The following SUGCT variants were observed in gnomAD, a reference collection of about 807,000 sequenced individuals.
The protein encoded by SUGCT is succinyl-CoA:glutarate-CoA transferase.
In SUGCT, 41 loss-of-function variants were observed where a neutral mutation model predicts 55.0. The observed-to-expected ratio is 0.74, with a 90% CI of 0.58 to 0.97. SUGCT has a LOEUF of 0.97. SUGCT is among the 50% of genes least tolerant of loss of function. The pLI, the probability that SUGCT is intolerant of heterozygous loss-of-function variation, is 0.00. For synonymous variants in SUGCT, 187 were observed against 200.4 expected (o/e 0.93, Z 0.56); for missense variants, 568 against 547.8 (o/e 1.04, Z -0.37).
the SUGCT span, among the ~76,000 whole-genome samples, chr7:40,913,115 A>G: frequency 6.8e-6 from 1 of 146,876 alleles, no homozygotes; most frequent in African/African-American, 2.6e-5. Context: ...GGTTCAAGTG[A>G]TTCTCCTGCC....
At chr7:40,680,100 G>T (rs558950369) in intron 12 of SUGCT, among the ~76,000 whole-genome samples, 2 of 152,222 alleles carry the variant, frequency 1.3e-5, no homozygotes, top group Non-Finnish European at 2.9e-5. Context: ...TTCACAGAAG[G>T]TTTATTTTGC....
At chr7:40,266,257 C>A (rs1791572128) in intron 7 of SUGCT, among the ~76,000 whole-genome samples, 1 of 118,716 alleles carries the variant, frequency 8.4e-6, no homozygotes, top group African/African-American at 3.3e-5. Flanking sequence ...TCAAGTGATT[C>A]TCCTACCTCA....
chr7:40,883,993 C>A, the SUGCT span, among the ~76,000 whole-genome samples: 1 of 152,170 alleles, frequency 6.6e-6, no homozygotes, highest in South Asian at 2.1e-4. Flanking sequence ...AAGAGAAATA[C>A]TATGATCATA....
At chr7:40,830,470 G>A (rs373578767) in intron 13 of SUGCT, among the ~76,000 whole-genome samples, 18 of 152,076 alleles carry the variant, frequency 1.2e-4, no homozygotes, top group African/African-American at 4.3e-4. Context: ...CTGACAGCCT[G>A]GCCTTTACTC....
intron 12 of SUGCT, among the ~76,000 whole-genome samples, chr7:40,496,782 A>C (rs1008119022): frequency 1.1e-5 from 1 of 90,560 alleles, no homozygotes; most frequent in Non-Finnish European, 2.2e-5. Context: ...ATATGATTAT[A>C]CCTCTGATCA....
intron 9 of SUGCT, among the ~76,000 whole-genome samples, chr7:40,372,291 C>T (rs1465007899): frequency 4.6e-5 from 7 of 152,044 alleles, no homozygotes; most frequent in African/African-American, 1.7e-4. Context: ...GAGGCCATTA[C>T]AAAATGTACT....
chr7:40,701,230 A>T (rs1785159254), intron 12 of SUGCT, among the ~76,000 whole-genome samples: 4 of 152,196 alleles, frequency 2.6e-5, no homozygotes. Flanking sequence ...CCTCCTAAAA[A>T]GTTCTGCCAA....
chr7:40,946,786 C>G, the SUGCT span, among the ~76,000 whole-genome samples: 1 of 152,034 alleles, frequency 6.6e-6, no homozygotes, highest in Non-Finnish European at 1.5e-5. Context: ...TTCTGGTATC[C>G]ATTTTTTTAA....
intron 12 of SUGCT, among the ~76,000 whole-genome samples, chr7:40,607,686 A>G (rs1207441803): frequency 6.6e-6 from 1 of 152,218 alleles, no homozygotes; most frequent in Non-Finnish European, 1.5e-5. Context: ...TGACAACAAT[A>G]ATAGTAGCTA....
intron 12 of SUGCT, among the ~76,000 whole-genome samples, chr7:40,515,487 C>T (rs1052917424): frequency 6.6e-6 from 1 of 152,182 alleles, no homozygotes; most frequent in Admixed American, 6.5e-5. Flanking sequence ...CTTCCCTCCC[C>T]TTATCGCTGG....
At chr7:40,405,324 A>G (rs2151329347) in intron 9 of SUGCT, among the ~76,000 whole-genome samples, 1 of 152,336 alleles carries the variant, frequency 6.6e-6, no homozygotes, top group South Asian at 2.1e-4. Flanking sequence ...TGTTATATAA[A>G]TATCGACCAC....
At chr7:40,163,923 G>C (rs979799623) in intron 1 of SUGCT, among the ~76,000 whole-genome samples, 3 of 151,780 alleles carry the variant, frequency 2.0e-5, no homozygotes, top group African/African-American at 7.3e-5. Flanking sequence ...CTGGGTTTGA[G>C]CAATTCTTCT....
chr7:40,723,244 A>G (rs1419951849), intron 12 of SUGCT, among the ~76,000 whole-genome samples: 1 of 152,034 alleles, frequency 6.6e-6, no homozygotes. Flanking sequence ...TCTTGGTCCC[A>G]CCATTTCCTT....
At chr7:40,939,719 A>T in the SUGCT span, among the ~76,000 whole-genome samples, 1 of 151,648 alleles carries the variant, frequency 6.6e-6, no homozygotes, top group Non-Finnish European at 1.5e-5. Flanking sequence ...TCATTTTCCC[A>T]CTTTTTGATG....
At chr7:40,997,560 CA>C in the SUGCT span, among the ~76,000 whole-genome samples, 1 of 152,188 alleles carries the variant, frequency 6.6e-6, no homozygotes, top group Non-Finnish European at 1.5e-5. Context: ...GGCCACTCCC[CA>C]GGCATTCCCA....
At chr7:40,566,777 A>G (rs762504344) in intron 12 of SUGCT, among the ~76,000 whole-genome samples, 4 of 152,200 alleles carry the variant, frequency 2.6e-5, no homozygotes, top group Non-Finnish European at 5.9e-5. Context: ...GTTTTAATTG[A>G]AAATTTTATG....
At chr7:40,333,693 ATATATATAT>A (rs1562689448) in intron 9 of SUGCT, among the ~76,000 whole-genome samples, 3 of 130,780 alleles carry the variant, frequency 2.3e-5, no homozygotes, top group African/African-American at 8.4e-5. Context: ...ATATATATAT[ATATATATAT>A]AAATATTTAT....
chr7:40,666,356 A>AAGGAAGGAAGGAAGGG (rs1174459987), intron 12 of SUGCT, among the ~76,000 whole-genome samples: 4 of 71,338 alleles, frequency 5.6e-5, no homozygotes, highest in African/African-American at 4.0e-4. Context: ...TCAAGAAAGA[A>AAGGAAGGAAGGAAGGG]AGGAAGGAAG....
the SUGCT span, among the ~76,000 whole-genome samples, chr7:41,037,273 C>T: frequency 1.6e-4 from 25 of 152,214 alleles, no homozygotes; most frequent in Non-Finnish European, 1.2e-4. Context: ...TAGACACTCT[C>T]GCCTTTGAAG....
Sources: allele counts gnomAD v4.1 joint callset (sites outside exome capture counted in the v4.1 genomes callset), GRCh38; gene constraint gnomAD v4.1.1; transcripts MANE v1.5; gene names NCBI Gene and HGNC (gene_info 2026-07-23, HGNC 2026-07-21).